Variants in SLC9A2 observed in about 807,000 individuals in gnomAD.
SLC9A2 encodes solute carrier family 9 member A2.
Under a neutral mutation model 71.7 loss-of-function variants are expected in SLC9A2, and 42 were observed. The observed-to-expected ratio is 0.59, with a 90% CI of 0.46 to 0.76. SLC9A2 has a LOEUF of 0.76. SLC9A2 is among the 30% of genes least tolerant of loss of function. SLC9A2 has a pLI of 0.00. For missense variants in SLC9A2, 829 were observed against 1,017.4 expected (o/e 0.81, Z 2.52); for synonymous variants, 396 against 392.5 (o/e 1.01, Z -0.10).
At chr2:102,682,736 G>T (rs1049669397) in intron 3 of SLC9A2, among the ~76,000 whole-genome samples, 2 of 152,144 alleles carry the variant, frequency 1.3e-5, no homozygotes, top group Admixed American at 1.3e-4. Flanking sequence ...AGATATTCAG[G>T]ATGAAGAATC....
chr2:102,686,330 A>G (rs1464334765), intron 5 of SLC9A2: 1 of 152,236 alleles, frequency 6.6e-6, no homozygotes, highest in Non-Finnish European at 1.5e-5. Flanking sequence ...TTGACCCTGA[A>G]TAAGGTGTCC....
chr2:102,707,832 A>G (rs1445744206), intron 11 of SLC9A2, among the ~76,000 whole-genome samples: 1 of 152,212 alleles, frequency 6.6e-6, no homozygotes, highest in African/African-American at 2.4e-5. Flanking sequence ...AAAGTAGGTG[A>G]TTGTGAAGAC....
chr2:102,701,480 G>A (rs1677874474), intron 8 of SLC9A2, among the ~76,000 whole-genome samples: 1 of 152,080 alleles, frequency 6.6e-6, no homozygotes. Context: ...CAATCAATAT[G>A]TAACCTATTT....
chr2:102,655,478 T>C (rs1194733241), intron 1 of SLC9A2, among the ~76,000 whole-genome samples: 1 of 152,152 alleles, frequency 6.6e-6, no homozygotes, highest in African/African-American at 2.4e-5. Context: ...GTAAGCTTTG[T>C]AAATTAAAAA....
intron 1 of SLC9A2, among the ~76,000 whole-genome samples, chr2:102,655,463 A>G (rs1676920985): frequency 6.6e-6 from 1 of 152,104 alleles, no homozygotes; most frequent in Admixed American, 6.6e-5. Flanking sequence ...CTATACCCTT[A>G]TTCTGTAAGC....
At chr2:102,679,657 C>T (rs1224386429) in intron 3 of SLC9A2, among the ~76,000 whole-genome samples, 3 of 152,082 alleles carry the variant, frequency 2.0e-5, no homozygotes, top group East Asian at 3.9e-4. Context: ...GGACTACAGG[C>T]GTGAGCCACT....
intron 1 of SLC9A2, 46 bp downstream of exon 1, chr2:102,620,183 G>A: frequency 6.5e-7 from 1 of 1,540,448 alleles, no homozygotes; most frequent in Non-Finnish European, 8.8e-7. Context: ...CGATCTCGGG[G>A]GGACACCTGG....
intron 5 of SLC9A2, 64 bp downstream of exon 5, chr2:102,684,400 T>C: frequency 1.4e-6 from 2 of 1,433,214 alleles, no homozygotes; most frequent in Admixed American, 3.4e-5. Context: ...GGATTCTGTT[T>C]ACAGGATGCA....
chr2:102,665,079 G>A lies in SLC9A2; in HGVS notation c.754-21G>A, dbSNP rs759818659. On this transcript the variant is annotated intron_variant, in intron 2 of 11. Transcript: ENST00000233969. Reference sequence around the variant, plus strand: ...GGAAATGGGAAAGGGTCTTGACAAGGTGTTTTTTTTTTTCCTGCAGGTCCT... The same window carrying A: ...GGAAATGGGAAAGGGTCTTGACAAGATGTTTTTTTTTTTCCTGCAGGTCCT... 5 of 1,586,930 alleles carry A rather than the reference G, an allele frequency of 3.2e-6. No individual in the cohort carries two copies. The African/African-American group carries it at 6.9e-5, about 22-fold the overall frequency.
chr2:102,658,179 C>A, intron 2 of SLC9A2, 152 bp downstream of exon 2: 1 of 567,394 alleles, frequency 1.8e-6, no homozygotes, highest in Non-Finnish European at 3.1e-6. Context: ...GTTTAATGCT[C>A]TGACATCACT....
At chr2:102,681,853 G>A (rs1357014281) in intron 3 of SLC9A2, among the ~76,000 whole-genome samples, 4 of 152,284 alleles carry the variant, frequency 2.6e-5, no homozygotes, top group African/African-American at 9.6e-5. Flanking sequence ...TTTTCTATGT[G>A]AACAACAGAT....
At position 102,687,283 on chromosome 2, in the gene SLC9A2, AAC is replaced by A. The variant is rs142858122; in HGVS notation, c.1425+2956_1425+2957del. Among the ~76,000 whole-genome samples, 253 of 152,250 alleles carry A rather than the reference AAC, an allele frequency of 1.7e-3. 13 individuals carry two copies. In the East Asian group the frequency reaches 0.042, roughly 25 times the overall value. On this transcript the variant is annotated intron_variant, in intron 5 of 11. Coordinates refer to ENST00000233969, the MANE Select transcript of SLC9A2 (RefSeq NM_003048.6). ...TACCACTGGTTCTTAAGATACTCTG[AAC>A]ACACACACGTGCACAAGCGTGCATG...
At chr2:102,650,660 G>C (rs1676814400) in intron 1 of SLC9A2, among the ~76,000 whole-genome samples, 1 of 152,096 alleles carries the variant, frequency 6.6e-6, no homozygotes, top group African/African-American at 2.4e-5. Flanking sequence ...GTTAAATTAT[G>C]CTTTCTTTCC....
intron 2 of SLC9A2, among the ~76,000 whole-genome samples, chr2:102,661,655 T>C (rs1176798863): frequency 6.6e-6 from 1 of 152,208 alleles, no homozygotes; most frequent in Non-Finnish European, 1.5e-5. Context: ...AATGTTAATA[T>C]ATATATGTTT....
chr2:102,652,261 G>A (rs1157733393), intron 1 of SLC9A2, among the ~76,000 whole-genome samples: 1 of 152,132 alleles, frequency 6.6e-6, no homozygotes, highest in East Asian at 1.9e-4. Context: ...GTCACTCCAT[G>A]GGCAGAAGAC....
chr2:102,621,669 T>C (rs1676140047), intron 1 of SLC9A2, among the ~76,000 whole-genome samples: 1 of 152,222 alleles, frequency 6.6e-6, no homozygotes, highest in South Asian at 2.1e-4. Context: ...TTGTCTGCCA[T>C]CCTCAGGGAG....
intron 1 of SLC9A2, among the ~76,000 whole-genome samples, chr2:102,632,127 T>TATATATAC (rs1676380340): frequency 1.8e-5 from 2 of 109,270 alleles, no homozygotes; most frequent in Non-Finnish European, 3.5e-5. Context: ...TATACATATA[T>TATATATAC]ACATATATAT....
intron 1 of SLC9A2, among the ~76,000 whole-genome samples, chr2:102,630,917 A>C (rs1317140103): frequency 6.6e-6 from 1 of 151,770 alleles, no homozygotes; most frequent in Non-Finnish European, 1.5e-5. Flanking sequence ...GCTAATTCTT[A>C]TATTTATCCA....
At chr2:102,643,409 G>A (rs1191055905) in intron 1 of SLC9A2, among the ~76,000 whole-genome samples, 1 of 152,190 alleles carries the variant, frequency 6.6e-6, no homozygotes, top group African/African-American at 2.4e-5. Flanking sequence ...GAGAGGAGCA[G>A]TTATTGTGTA....
Sources: allele counts gnomAD v4.1 joint callset (sites outside exome capture counted in the v4.1 genomes callset), GRCh38; gene constraint gnomAD v4.1.1; transcripts MANE v1.5; gene names NCBI Gene and HGNC (gene_info 2026-07-23, HGNC 2026-07-21).